Variants in FHIT observed in about 807,000 individuals in gnomAD.
FHIT encodes fragile histidine triad diadenosine triphosphatase, also known as bis(5'-adenosyl)-triphosphatase.
In FHIT, 19 loss-of-function variants were observed where a neutral mutation model predicts 17.9. That is an observed-to-expected ratio of 1.06 (90% CI 0.74 to 1.56). The LOEUF is 1.56. Among genes scored for constraint, FHIT ranks in the 40% most tolerant of loss-of-function variants. The probability of loss-of-function intolerance (pLI) is 0.00; values close to 1 mark genes in which losing one functional copy is unlikely to be tolerated. For synonymous variants in FHIT, 81 were observed against 69.7 expected, an observed-to-expected ratio of 1.16 and a Z score of -0.81; for missense variants, 248 against 189.2, an observed-to-expected ratio of 1.31 and a Z score of -1.82.
chr3:59,949,087 C>T (rs1305087120), intron 7 of FHIT, among the ~76,000 whole-genome samples: 2 of 152,156 alleles, frequency 1.3e-5, no homozygotes, highest in East Asian at 3.9e-4. Flanking sequence ...TTGTTACCAT[C>T]TTTATGTCCA....
intron 5 of FHIT, among the ~76,000 whole-genome samples, chr3:60,508,011 T>C (rs1324092080): frequency 2.0e-5 from 3 of 152,208 alleles, no homozygotes; most frequent in African/African-American, 7.2e-5. Flanking sequence ...TATAGCAGAA[T>C]GACAAAGGTT....
chr3:60,534,496 T>C (rs2035912574), intron 5 of FHIT, among the ~76,000 whole-genome samples: 1 of 146,770 alleles, frequency 6.8e-6, no homozygotes, highest in African/African-American at 2.5e-5. Context: ...TGGCAGAGTT[T>C]ATAAAGGTAA....
intron 5 of FHIT, among the ~76,000 whole-genome samples, chr3:60,377,956 T>C (rs1446997002): frequency 6.6e-6 from 1 of 152,176 alleles, no homozygotes; most frequent in Admixed American, 6.5e-5. Flanking sequence ...GGTTTAAATA[T>C]GTTAGACGAA....
At chr3:60,352,096 C>T (rs1699435673) in intron 5 of FHIT, among the ~76,000 whole-genome samples, 1 of 152,064 alleles carries the variant, frequency 6.6e-6, no homozygotes, top group South Asian at 2.1e-4. Context: ...TTTGTATTTC[C>T]AGCACTGAGG....
intron 8 of FHIT, among the ~76,000 whole-genome samples, chr3:59,804,159 C>A (rs1370824834): frequency 1.3e-5 from 2 of 152,210 alleles, no homozygotes; most frequent in East Asian, 3.8e-4. Context: ...AGGTTATGTC[C>A]TTGTCTCTGG....
chr3:60,001,295 A>G (rs1699720488), intron 7 of FHIT, among the ~76,000 whole-genome samples: 1 of 152,194 alleles, frequency 6.6e-6, no homozygotes, highest in South Asian at 2.1e-4. Flanking sequence ...ATATGTTAAT[A>G]TTAACTATAG....
intron 5 of FHIT, among the ~76,000 whole-genome samples, chr3:60,322,349 T>C (rs213386): frequency 0.62 from 94,795 of 152,110 alleles, 30,083 homozygotes; most frequent in South Asian, 0.71. Context: ...ACATGTGACA[T>C]CCCATTAACT....
intron 4 of FHIT, among the ~76,000 whole-genome samples, chr3:60,620,599 A>ATTCT (rs2039094322): frequency 2.0e-5 from 3 of 151,916 alleles, no homozygotes; most frequent in Non-Finnish European, 4.4e-5. Context: ...AAAAAAAAAA[A>ATTCT]CTATGAAGAG....
chr3:60,265,867 A>G (rs1706547639), intron 5 of FHIT, among the ~76,000 whole-genome samples: 1 of 151,946 alleles, frequency 6.6e-6, no homozygotes, highest in Non-Finnish European at 1.5e-5. Flanking sequence ...TGATCTAAAC[A>G]CCATGAGTCA....
intron 5 of FHIT, among the ~76,000 whole-genome samples, chr3:60,324,904 A>G (rs1482172213): frequency 6.6e-6 from 1 of 151,910 alleles, no homozygotes; most frequent in African/African-American, 2.4e-5. Context: ...TTAAGGGTAA[A>G]AAGGCTTTTC....
At chr3:60,150,263 C>T (rs1700409222) in intron 5 of FHIT, among the ~76,000 whole-genome samples, 1 of 152,032 alleles carries the variant, frequency 6.6e-6, no homozygotes. Flanking sequence ...TCCCAAAGTG[C>T]TGGGATTACA....
chr3:60,717,092 G>T (rs1457939738), intron 4 of FHIT, among the ~76,000 whole-genome samples: 2 of 152,170 alleles, frequency 1.3e-5, no homozygotes, highest in Admixed American at 1.3e-4. Flanking sequence ...ATCTAAAAAA[G>T]TTAAATTCAT....
At chr3:60,391,376 CCTT>C (rs556901179) in intron 5 of FHIT, among the ~76,000 whole-genome samples, 13 of 152,280 alleles carry the variant, frequency 8.5e-5, no homozygotes, top group Admixed American at 2.0e-4. Flanking sequence ...AAGCAATCCT[CCTT>C]CTTCATCAAT....
At chr3:60,188,083 A>G (rs1702235111) in intron 5 of FHIT, among the ~76,000 whole-genome samples, 2 of 152,104 alleles carry the variant, frequency 1.3e-5, no homozygotes. Context: ...TCCATAACTA[A>G]TGATATGACT....
chr3:60,734,706 G>C (rs1196872983), intron 4 of FHIT, among the ~76,000 whole-genome samples: 1 of 151,832 alleles, frequency 6.6e-6, no homozygotes, highest in Non-Finnish European at 1.5e-5. Flanking sequence ...CTTCGAATGG[G>C]AAAAGTTGTC....
At chr3:59,969,630 C>T (rs115425033) in intron 7 of FHIT, among the ~76,000 whole-genome samples, 2,028 of 152,180 alleles carry the variant, frequency 0.013, 10 homozygotes, top group Non-Finnish European at 0.02. Context: ...TTACCAGCTA[C>T]TTTATGCTTC....
intron 4 of FHIT, among the ~76,000 whole-genome samples, chr3:60,783,995 C>T (rs1440915956): frequency 2.6e-5 from 4 of 152,176 alleles, no homozygotes; most frequent in African/African-American, 9.7e-5. Context: ...ACATATCACC[C>T]CTGGCCTCAG....
At chr3:59,855,340 G>T (rs1702108581) in intron 8 of FHIT, among the ~76,000 whole-genome samples, 1 of 152,098 alleles carries the variant, frequency 6.6e-6, no homozygotes, top group Non-Finnish European at 1.5e-5. Flanking sequence ...TGTCTCCAAG[G>T]TCATTATGTT....
At chr3:60,160,703 A>G (rs137913926) in intron 5 of FHIT, among the ~76,000 whole-genome samples, 32 of 152,306 alleles carry the variant, frequency 2.1e-4, no homozygotes, top group African/African-American at 6.7e-4. Context: ...CAAGCAGCTT[A>G]GCTAAACTGT....
Sources: allele counts gnomAD v4.1 joint callset (sites outside exome capture counted in the v4.1 genomes callset), GRCh38; gene constraint gnomAD v4.1.1; transcripts MANE v1.5; gene names NCBI Gene and HGNC (gene_info 2026-07-23, HGNC 2026-07-21).